The following C8orf34 variants were observed in gnomAD, a reference collection of about 807,000 sequenced individuals.
C8orf34 encodes uncharacterized protein C8orf34.
A neutral mutation model predicts 68.3 loss-of-function variants in C8orf34; 65 were observed. That is an observed-to-expected ratio of 0.95 (90% confidence interval 0.78 to 1.17). The LOEUF is 1.17. C8orf34 is among the 50% of genes most tolerant of loss of function. The pLI, the probability that C8orf34 is intolerant of heterozygous loss-of-function variation, is 0.00. For synonymous variants in C8orf34, 244 were observed against 241.2 expected (o/e 1.01, Z -0.11); for missense variants, 664 against 655.4 (o/e 1.01, Z -0.14).
chr8:68,563,729 T>C (rs1816501304), intron 7 of C8orf34, among the ~76,000 whole-genome samples: 1 of 152,016 alleles, frequency 6.6e-6, no homozygotes, highest in South Asian at 2.1e-4. Context: ...GCAGTGGTAC[T>C]TAGATAAATA....
intron 1 of C8orf34, among the ~76,000 whole-genome samples, chr8:68,336,344 C>T (rs1214255815): frequency 2.0e-5 from 3 of 151,962 alleles, no homozygotes; most frequent in African/African-American, 4.8e-5. Context: ...TGGGCAGTGG[C>T]CTGGCAGGGT....
intron 7 of C8orf34, among the ~76,000 whole-genome samples, chr8:68,608,326 T>A (rs1043514501): frequency 6.6e-6 from 1 of 151,516 alleles, no homozygotes; most frequent in East Asian, 1.9e-4. Context: ...AGACAGAGGG[T>A]AAAAAGAGAA....
intron 5 of C8orf34, among the ~76,000 whole-genome samples, chr8:68,496,748 T>C (rs538612679): frequency 1.3e-4 from 20 of 152,296 alleles, no homozygotes; most frequent in South Asian, 4.1e-4. Context: ...GTTTTATTGC[T>C]TTTTTTGGTC....
chr8:68,334,000 TTTTTTAAAA>T (rs1279021931), intron 1 of C8orf34, among the ~76,000 whole-genome samples: 1 of 152,210 alleles, frequency 6.6e-6, no homozygotes, highest in Non-Finnish European at 1.5e-5. Flanking sequence ...TCTATGAATG[TTTTTTAAAA>T]CAATAGCAAA....
intron 1 of C8orf34, among the ~76,000 whole-genome samples, chr8:68,367,668 A>G (rs1197910499): frequency 7.0e-6 from 1 of 143,230 alleles, no homozygotes; most frequent in African/African-American, 2.6e-5. Flanking sequence ...CAAACACCAC[A>G]TATTCTCACT....
At chr8:68,416,432 C>T (rs1809667797) in intron 1 of C8orf34, among the ~76,000 whole-genome samples, 1 of 152,074 alleles carries the variant, frequency 6.6e-6, no homozygotes, top group Non-Finnish European at 1.5e-5. Flanking sequence ...GATCCTGGAA[C>T]AGAAACTGGC....
intron 9 of C8orf34, 57 bp downstream of exon 9, chr8:68,709,136 G>T (rs1163502964): frequency 6.0e-6 from 8 of 1,339,224 alleles, no homozygotes; most frequent in Non-Finnish European, 8.4e-6. Flanking sequence ...AAAGATTAAA[G>T]AAGTAAAGGA....
chr8:68,791,024 T>C, intron 12 of C8orf34: 2 of 592,468 alleles, frequency 3.4e-6, no homozygotes, highest in East Asian at 2.8e-5. Context: ...AGTTTGAATA[T>C]AAAATGTGAG....
At chr8:68,752,844 G>A (rs565944299) in intron 10 of C8orf34, among the ~76,000 whole-genome samples, 77 of 152,246 alleles carry the variant, frequency 5.1e-4, no homozygotes, top group African/African-American at 1.7e-3. Context: ...GAGACCAGCT[G>A]GTTGAGTTGG....
At chr8:68,376,693 A>G (rs1317967790) in intron 1 of C8orf34, among the ~76,000 whole-genome samples, 2 of 151,856 alleles carry the variant, frequency 1.3e-5, no homozygotes, top group African/African-American at 4.8e-5. Context: ...TCAAAACAAA[A>G]CAAAGTTTTG....
At chr8:68,479,700 T>C (rs374757801) in intron 4 of C8orf34, among the ~76,000 whole-genome samples, 168 of 152,302 alleles carry the variant, frequency 1.1e-3, no homozygotes, top group African/African-American at 3.8e-3. Flanking sequence ...TCAAATCTTA[T>C]AGTTTTCAAG....
intron 7 of C8orf34, among the ~76,000 whole-genome samples, chr8:68,549,416 C>T (rs1296484489): frequency 6.6e-6 from 1 of 151,544 alleles, no homozygotes; most frequent in Admixed American, 6.6e-5. Flanking sequence ...TGATAGAAAT[C>T]AGAACAGGTG....
intron 10 of C8orf34, among the ~76,000 whole-genome samples, chr8:68,775,462 T>C (rs560726943): frequency 4.6e-4 from 69 of 150,264 alleles, no homozygotes; most frequent in African/African-American, 1.5e-3. Flanking sequence ...TTGGGATATA[T>C]GTTTAATTTG....
intron 7 of C8orf34, among the ~76,000 whole-genome samples, chr8:68,620,082 A>G (rs1402100111): frequency 1.3e-5 from 2 of 152,208 alleles, no homozygotes; most frequent in Non-Finnish European, 2.9e-5. Flanking sequence ...ATTTCCATTC[A>G]GTATTCACAC....
At chr8:68,581,835 A>G (rs1181478612) in intron 7 of C8orf34, among the ~76,000 whole-genome samples, 4 of 152,126 alleles carry the variant, frequency 2.6e-5, no homozygotes, top group African/African-American at 2.4e-5. Context: ...ATTTCTTGCC[A>G]GTACATCTCG....
chr8:68,370,023 G>A (rs1179506938), intron 1 of C8orf34, among the ~76,000 whole-genome samples: 1 of 152,140 alleles, frequency 6.6e-6, no homozygotes, highest in African/African-American at 2.4e-5. Flanking sequence ...CTCCTTTGTG[G>A]TGTTAGGTGG....
chr8:68,679,636 T>C (rs976286127), intron 8 of C8orf34, among the ~76,000 whole-genome samples: 3 of 152,050 alleles, frequency 2.0e-5, no homozygotes, highest in East Asian at 1.9e-4. Flanking sequence ...GCAAAAAGAA[T>C]AAAAGTGGAA....
chr8:68,676,531 C>T (rs1010894412), intron 8 of C8orf34, among the ~76,000 whole-genome samples: 5 of 152,080 alleles, frequency 3.3e-5, no homozygotes. Context: ...CCAAATGGAC[C>T]TAATATAGAT....
chr8:68,508,442 C>T (rs1034319919), intron 5 of C8orf34, among the ~76,000 whole-genome samples: 4 of 152,162 alleles, frequency 2.6e-5, no homozygotes, highest in Non-Finnish European at 4.4e-5. Context: ...TTTTATTAGT[C>T]AACACTCTAC....
Sources: allele counts gnomAD v4.1 joint callset (sites outside exome capture counted in the v4.1 genomes callset), GRCh38; gene constraint gnomAD v4.1.1; transcripts MANE v1.5; gene names NCBI Gene and HGNC (gene_info 2026-07-23, HGNC 2026-07-21).